Variants in LRP8 observed in about 807,000 individuals in gnomAD.
The protein encoded by LRP8 is LDL receptor related protein 8, also known as low-density lipoprotein receptor-related protein 8.
A neutral mutation model predicts 111.6 loss-of-function variants in LRP8; 46 were observed. The ratio of observed to expected loss-of-function variants is 0.41; its 90% CI spans 0.33 to 0.53. LRP8 has a LOEUF of 0.53. LRP8 is among the 20% of genes least tolerant of loss of function. LRP8 has a pLI of 0.20. For missense variants in LRP8, 959 were observed against 1,297.4 expected, an observed-to-expected ratio of 0.74 and a Z score of 4.01; for synonymous variants, 464 against 511.2, an observed-to-expected ratio of 0.91 and a Z score of 1.24.
At chr1:53,320,416 G>T (rs1260310241) in intron 2 of LRP8, among the ~76,000 whole-genome samples, 1 of 152,178 alleles carries the variant, frequency 6.6e-6, no homozygotes, top group Non-Finnish European at 1.5e-5. Flanking sequence ...TCTGAGAATG[G>T]TGCCCTACTG....
At chr1:53,263,596 CAG>C (rs1367608949) in intron 10 of LRP8, among the ~76,000 whole-genome samples, 1 of 152,110 alleles carries the variant, frequency 6.6e-6, no homozygotes, top group Non-Finnish European at 1.5e-5. Flanking sequence ...CCATAGGCAA[CAG>C]GGGTAGGGAT....
intron 2 of LRP8, among the ~76,000 whole-genome samples, chr1:53,298,518 A>C (rs1650187176): frequency 6.6e-6 from 1 of 152,150 alleles, no homozygotes; most frequent in Non-Finnish European, 1.5e-5. Context: ...AGCCAGCCCC[A>C]CCCTGGGTTT....
chr1:53,301,482 G>A (rs1219737641), intron 2 of LRP8, among the ~76,000 whole-genome samples: 1 of 152,172 alleles, frequency 6.6e-6, no homozygotes, highest in African/African-American at 2.4e-5. Flanking sequence ...AGAAATTTGG[G>A]AGGCCAAGGC....
At chr1:53,274,692 C>T in intron 6 of LRP8, 1 of 456,272 alleles carries the variant, frequency 2.2e-6, no homozygotes. Flanking sequence ...CGTAGACAGG[C>T]ACCGCACCAC....
chr1:53,264,172 C>T lies in LRP8; in HGVS notation c.1652G>A (p.Arg551Gln), dbSNP rs151161222. The T allele has an allele frequency of 2.8e-4, 451 of 1,614,012 alleles. 1 individual carries two copies. Among genetic ancestry groups the T allele is most frequent in the Admixed American group, 1.1e-3 (68 of 60,010 alleles). Residue 551 changes from arginine (R) to glutamine (Q), a missense_variant, in exon 10 of 19, where the codon CGA becomes CAA. Physicochemically the swap from Arg to Gln is conservative, Grantham distance 43 (BLOSUM62 1). Transcript: ENST00000306052. ...EPRAIAVDPL[R>Q]GFMYWSDWGD... Reference sequence around the variant, plus strand: ...GAAGTTCAGTTGGGACACTCACCCTCGCAGGGGGTCAACAGCGATGGCCCG... The same window carrying T: ...GAAGTTCAGTTGGGACACTCACCCTTGCAGGGGGTCAACAGCGATGGCCCG...
At chr1:53,299,501 CTG>C (rs1466522900) in intron 2 of LRP8, among the ~76,000 whole-genome samples, 1 of 152,202 alleles carries the variant, frequency 6.6e-6, no homozygotes, top group East Asian at 1.9e-4. Flanking sequence ...GAGTGCTCCT[CTG>C]TGCTGGGCTC....
At position 53,275,704 on chromosome 1, in the gene LRP8, ACATGTCC is replaced by A. The variant is rs1646895692; in HGVS notation, c.926_932del (p.Gly309ValfsTer27). 1 of 1,613,998 alleles carries A rather than the reference ACATGTCC, an allele frequency of 6.2e-7. No homozygotes were observed. On this transcript the variant is annotated frameshift_variant, in exon 6 of 19. Coordinates refer to ENST00000306052, the MANE Select transcript of LRP8 (RefSeq NM_004631.5). LOFTEE classifies it high-confidence loss of function. This position sits in a 1 kb window ranked among gnomAD's most constrained non-coding sequence, Gnocchi z 4.4. ...GGTTGCAGTGCTTGATTGCAAGGAC[ACATGTCC>A]CATCCCCACACTGGAACTCGTCCCC...
In LRP8 at chr1:53,262,380, A is replaced by G; in HGVS notation, c.1774+66T>C. On this transcript the variant is annotated intron_variant, in intron 11 of 18. Transcript: ENST00000306052. The surrounding 1 kb of genome is among the most constrained non-coding windows in gnomAD (Gnocchi z 4.8). Reference sequence around the variant, plus strand: ...GAGGACCCAGAAACAAGACTCATGGAGTTCCAGACAGTGATCAGGACAAGG... The same window carrying G: ...GAGGACCCAGAAACAAGACTCATGGGGTTCCAGACAGTGATCAGGACAAGG... 6.5e-7 allele frequency: 1 copy of G among 1,532,058 alleles called. No individual in the cohort carries two copies. Among genetic ancestry groups the G allele is most frequent in the Non-Finnish European group, 9.0e-7 (1 of 1,109,148 alleles). 94.9% of individuals were successfully genotyped at this position (1,532,058 alleles called of 1,614,324 possible).
intron 15 of LRP8, among the ~76,000 whole-genome samples, chr1:53,256,391 A>G (rs947318602): frequency 5.3e-5 from 8 of 152,254 alleles, no homozygotes; most frequent in Non-Finnish European, 1.2e-4. Flanking sequence ...AGCATGAGGA[A>G]GCCAGTGAGG....
rs891064735 is a variant in LRP8, at chr1:53,303,082, G to A, written c.245-13393C>T. Among the ~76,000 whole-genome samples the A allele has an allele frequency of 6.6e-6, 1 of 152,108 alleles. No individual in the cohort carries two copies. Among genetic ancestry groups the A allele is most frequent in the Admixed American group, 6.5e-5 (1 of 15,272 alleles). On this transcript the variant is annotated intron_variant, in intron 2 of 18. Transcript: ENST00000306052. This position sits in a 1 kb window ranked among gnomAD's most constrained non-coding sequence, Gnocchi z 4.3. The stretch of plus-strand genomic sequence containing the variant: ...GAGAGGTTGTAATGTTGAAATTCAT[G>A]GTGAAATTGCACATCACCACAAAAG...
At position 53,294,986 on chromosome 1, in the gene LRP8, C is replaced by T. The variant is rs952483377; in HGVS notation, c.245-5297G>A. Among the ~76,000 whole-genome samples the T allele has an allele frequency of 5.3e-5, 8 of 152,340 alleles. No homozygotes were observed. Among genetic ancestry groups the T allele is most frequent in the South Asian group, 2.1e-4 (1 of 4,830 alleles). On this transcript the variant is annotated intron_variant, in intron 2 of 18. Transcript: ENST00000306052. This position sits in a 1 kb window ranked among gnomAD's most constrained non-coding sequence, Gnocchi z 4.1. ...TCCGAATGTCCTGCCGTGTTGGACT[C>T]CAGGGTCTTGAGGCCCCCTACGTGG...
intron 3 of LRP8, among the ~76,000 whole-genome samples, chr1:53,284,230 C>CTACATACCCGGGCCACTTACTTAT (rs1647237465): frequency 6.6e-6 from 1 of 150,794 alleles, no homozygotes. Context: ...CACTTACCTA[C>CTACATACCCGGGCCACTTACTTAT]TACATACCCG....
At chr1:53,285,506 T>C (rs528056051) in intron 3 of LRP8, among the ~76,000 whole-genome samples, 35 of 152,198 alleles carry the variant, frequency 2.3e-4, no homozygotes, top group Non-Finnish European at 4.6e-4. Flanking sequence ...ACTGAACCTC[T>C]CTGCACTCTG....
intron 15 of LRP8, among the ~76,000 whole-genome samples, chr1:53,255,689 G>T (rs1646059671): frequency 6.6e-6 from 1 of 151,804 alleles, no homozygotes; most frequent in African/African-American, 2.4e-5. Context: ...TAGTGTAGAG[G>T]AATCAAAAGC....
At chr1:53,274,748 TCA>T (rs1180418763) in intron 6 of LRP8, 2 of 456,184 alleles carry the variant, frequency 4.4e-6, no homozygotes, top group African/African-American at 2.0e-5. Flanking sequence ...CCTCTGCACA[TCA>T]CACACTTTCC....
intron 16 of LRP8, among the ~76,000 whole-genome samples, chr1:53,254,889 G>A (rs900805690): frequency 1.3e-5 from 2 of 152,010 alleles, no homozygotes; most frequent in Non-Finnish European, 1.5e-5. Context: ...TGAATCGAGG[G>A]GTGGGGAGAT....
At chr1:53,295,871 G>A (rs942651634) in intron 2 of LRP8, among the ~76,000 whole-genome samples, 1 of 152,170 alleles carries the variant, frequency 6.6e-6, no homozygotes, top group Non-Finnish European at 1.5e-5. Flanking sequence ...AACACTGCTG[G>A]GGCACAAGCC....
At chr1:53,258,806 T>A (rs1300010233) in intron 13 of LRP8, among the ~76,000 whole-genome samples, 1 of 152,084 alleles carries the variant, frequency 6.6e-6, no homozygotes, top group African/African-American at 2.4e-5. Flanking sequence ...TAAAGTCCAT[T>A]ATATGCCCCT....
chr1:53,304,491 G>A (rs972154531), intron 2 of LRP8: 1 of 152,330 alleles, frequency 6.6e-6, no homozygotes. Context: ...CCATGTTCTG[G>A]GAAGGCCAAG....
Sources: gnomAD v4.1 joint callset for allele counts (sites outside exome capture counted in the v4.1 genomes callset) on GRCh38, gnomAD v4.1.1 for gene constraint, Gnocchi (gnomAD v3.1) non-coding constraint, MANE v1.5 for transcripts, NCBI Gene and HGNC (gene_info 2026-07-23, HGNC 2026-07-21) for gene names.